Variants in VWDE observed in about 807,000 individuals in gnomAD.
VWDE encodes the protein von Willebrand factor D and EGF domain-containing protein.
VWDE carries 207 observed loss-of-function variants against 178.4 expected under a neutral mutation model. The ratio of observed to expected loss-of-function variants is 1.16; its 90% CI spans 1.04 to 1.30. The LOEUF is 1.30. Among genes scored for constraint, VWDE ranks in the 50% most tolerant of loss-of-function variants. The pLI, the probability that VWDE is intolerant of heterozygous loss-of-function variation, is 0.00. For missense variants in VWDE, 2,287 were observed against 1,901.3 expected (o/e 1.20, Z -3.77); for synonymous variants, 738 against 651.4 (o/e 1.13, Z -2.02).
chr7:12,375,601 A>G (rs1485565460), intron 7 of VWDE, among the ~76,000 whole-genome samples: 2 of 151,906 alleles, frequency 1.3e-5, no homozygotes, highest in African/African-American at 4.8e-5. Context: ...TCTGTCTAAG[A>G]TTTGTAACGT....
chr7:12,348,783 T>G (rs993711448), intron 19 of VWDE, among the ~76,000 whole-genome samples: 3 of 151,310 alleles, frequency 2.0e-5, no homozygotes, highest in African/African-American at 7.3e-5. Flanking sequence ...ACATGTATGT[T>G]TATTGTGGCA....
chr7:12,380,670 A>G lies in VWDE; in HGVS notation c.605T>C (p.Ile202Thr). ...AGRPEVLVEL[I>T]ESRLFCRCSF... ...ACACCTACAGAAAAGCCTGGACTCA[A>G]TCAACTCCACCAGAACCTCTGGCCT... The change falls in exon 5 of 29, where the codon ATT becomes ACT. Residue 202 changes from isoleucine to threonine, a missense_variant. Physicochemically the swap from Ile to Thr is moderately conservative, Grantham distance 89 (BLOSUM62 -1). Coordinates refer to ENST00000275358, the MANE Select transcript of VWDE (RefSeq NM_001135924.3). The G allele has an allele frequency of 6.4e-7, 1 of 1,552,090 alleles. No homozygotes were observed.
chr7:12,379,627 T>G, intron 5 of VWDE, 61 bp from the exon 6 acceptor site: 1 of 1,230,690 alleles, frequency 8.1e-7, no homozygotes, highest in Non-Finnish European at 1.1e-6. Context: ...ACGTGTAAAT[T>G]ATCACTTTTA....
At chr7:12,340,252 G>T in intron 24 of VWDE, 70 bp downstream of exon 24, 1 of 1,223,102 alleles carries the variant, frequency 8.2e-7, no homozygotes, top group Non-Finnish European at 1.1e-6. Context: ...CTTGTCTCAT[G>T]TTTACTCAGA....
chr7:12,354,510 G>C (rs1163518730), intron 18 of VWDE: 4 of 326,832 alleles, frequency 1.2e-5, no homozygotes, highest in African/African-American at 9.0e-5. Flanking sequence ...TAGATCAAGA[G>C]CTCAGATTAT....
Position 12,389,209 on chromosome 7 carries a change from G to T in VWDE, c.393C>A (p.Ile131=), listed in dbSNP as rs1478792072. 1 of 1,551,784 alleles carries T rather than the reference G, an allele frequency of 6.4e-7. No homozygotes were observed. Among genetic ancestry groups the T allele is most frequent in the East Asian group, 2.4e-5 (1 of 40,906 alleles). The change falls in exon 3 of 29, where the codon ATC becomes ATA. Residue 131 remains isoleucine, a synonymous_variant. Coordinates refer to ENST00000275358, the MANE Select transcript of VWDE (RefSeq NM_001135924.3). ...TCCCACAGTTTCTTACAGACACTGG[G>T]ATTTGAAAGAGACAGCAGTCTTTTG... ...STTKDCCLFQ[I]PVSVRNCGNF...
At position 12,361,257 on chromosome 7, in the gene VWDE, A is replaced by T. The variant is rs1782560764; in HGVS notation, c.3055-6T>A. On this transcript the variant is annotated splice_polypyrimidine_tract_variant and splice_region_variant and intron_variant, in intron 14 of 28. Transcript: ENST00000275358. ...TTATAACCATCATTAGATACCTGTA[A>T]CATAATAGTTCTATAATAAGATGAT... 2 of 1,538,756 alleles carry T rather than the reference A, an allele frequency of 1.3e-6. No individual in the cohort carries two copies. The highest frequency in any genetic ancestry group is 1.8e-6 in the Non-Finnish European group (2 of 1,137,510).
chr7:12,398,785 T>C (rs765821478), intron 1 of VWDE, among the ~76,000 whole-genome samples: 1 of 151,466 alleles, frequency 6.6e-6, no homozygotes, highest in Non-Finnish European at 1.5e-5. Context: ...AACAAATTAA[T>C]GCAGAAACAG....
In VWDE at chr7:12,351,092, T is replaced by A. The variant is rs560655537; in HGVS notation, c.3886+481A>T. ...AGAGATATCCCATTCACAATAACAG[T>A]TGATGTTACAGAATGCAGAGGCATA... is the stretch of plus-strand genomic sequence containing the variant. On this transcript the variant is annotated intron_variant, in intron 19 of 28. Coordinates refer to ENST00000275358, the MANE Select transcript of VWDE (RefSeq NM_001135924.3). Among the ~76,000 whole-genome samples the A allele has an allele frequency of 9.9e-5, 15 of 152,150 alleles. No individual in the cohort carries two copies. The South Asian group carries it at 3.1e-3, about 32-fold the overall frequency.
At chr7:12,365,030 G>A (rs963910708) in intron 13 of VWDE, among the ~76,000 whole-genome samples, 3 of 152,104 alleles carry the variant, frequency 2.0e-5, no homozygotes, top group African/African-American at 7.2e-5. Context: ...AGTGCTCTTC[G>A]AAAGAACCAA....
intron 3 of VWDE, chr7:12,388,799 T>G (rs1784228424): frequency 2.4e-6 from 1 of 415,592 alleles, no homozygotes; most frequent in African/African-American, 2.1e-5. Flanking sequence ...TATGATAACT[T>G]TTACTCACCC....
intron 3 of VWDE, 109 bp downstream of exon 3, chr7:12,389,018 T>G: frequency 1.2e-6 from 1 of 842,230 alleles, no homozygotes; most frequent in Non-Finnish European, 2.0e-6. Context: ...AATGGTAGAC[T>G]GAGTATCTTA....
At chr7:12,372,404 A>C (rs1179923282) in intron 10 of VWDE, among the ~76,000 whole-genome samples, 1 of 152,026 alleles carries the variant, frequency 6.6e-6, no homozygotes, top group African/African-American at 2.4e-5. Flanking sequence ...CTTTTATTTA[A>C]ATTTAAATTT....
chr7:12,360,414 G>A (rs62448563), intron 15 of VWDE, among the ~76,000 whole-genome samples: 16,458 of 152,028 alleles, frequency 0.11, 1,050 homozygotes, highest in Non-Finnish European at 0.14. Context: ...TATGGAAATG[G>A]AATATTTGGG....
intron 1 of VWDE, among the ~76,000 whole-genome samples, chr7:12,400,623 A>T (rs1245547501): frequency 1.3e-5 from 2 of 152,158 alleles, no homozygotes; most frequent in Non-Finnish European, 2.9e-5. Context: ...CAAACATTTC[A>T]AAAAGAATTA....
At chr7:12,366,895 A>G (rs1782888152) in intron 13 of VWDE, among the ~76,000 whole-genome samples, 1 of 152,102 alleles carries the variant, frequency 6.6e-6, no homozygotes, top group South Asian at 2.1e-4. Flanking sequence ...GCCTTTAGAA[A>G]GATAAATACT....
intron 7 of VWDE, among the ~76,000 whole-genome samples, chr7:12,376,976 C>T (rs1783565668): frequency 6.6e-6 from 1 of 151,832 alleles, no homozygotes. Flanking sequence ...TCTATAGATA[C>T]CTTGTGTTTG....
At chr7:12,398,312 A>T (rs1784719950) in intron 1 of VWDE, among the ~76,000 whole-genome samples, 1 of 152,178 alleles carries the variant, frequency 6.6e-6, no homozygotes, top group African/African-American at 2.4e-5. Context: ...CAACTGTCTT[A>T]TCTGAGTTCC....
intron 17 of VWDE, 88 bp from the exon 18 acceptor site, chr7:12,356,418 T>C: frequency 1.0e-6 from 1 of 991,684 alleles, no homozygotes; most frequent in Non-Finnish European, 1.5e-6. Flanking sequence ...TCATGTATGT[T>C]TATGTACAAG....
Sources: allele counts gnomAD v4.1 joint callset (sites outside exome capture counted in the v4.1 genomes callset), GRCh38; gene constraint gnomAD v4.1.1; transcripts MANE v1.5; gene names NCBI Gene and HGNC (gene_info 2026-07-23, HGNC 2026-07-21).